Variants in ZNF726 observed in about 807,000 individuals in gnomAD.
The protein encoded by ZNF726 is zinc finger protein 726, also known as zinc finger protein 92 pseudogene 3.
Under a neutral mutation model 11.6 loss-of-function variants are expected in ZNF726, and 15 were observed. The observed-to-expected ratio is 1.29, with a 90% CI of 0.86 to 1.99. The LOEUF (loss-of-function observed/expected upper bound fraction) is 1.99. ZNF726 is among the 30% of genes most tolerant of loss of function. The probability of loss-of-function intolerance (pLI) is 0.00; values close to 1 mark genes in which losing one functional copy is unlikely to be tolerated. For missense variants in ZNF726, 890 were observed against 725.6 expected (o/e 1.23, Z -2.60); for synonymous variants, 295 against 243.6 (o/e 1.21, Z -1.96).
chr19:23,935,416 C>T (rs745974838), downstream of ZNF726: 1 of 522,472 alleles, frequency 1.9e-6, no homozygotes, highest in Non-Finnish European at 3.9e-6. Flanking sequence ...AACCAGTCCT[C>T]ACATCTTACT....
rs546647382 is a variant in ZNF726, at chr19:23,932,208, A to G, written c.227-135A>G. The G allele has an allele frequency of 7.3e-5, 41 of 563,266 alleles. No homozygotes were observed. In the South Asian group the frequency reaches 1.0e-3, roughly 14 times the overall value. The allele number at this position is 563,266 out of a possible 1,614,324, so 34.9% of individuals were successfully genotyped here. A position where few individuals can be genotyped will look rare whatever the true frequency, so the allele number is the denominator to read the frequency against. On this transcript the variant is annotated intron_variant, in intron 3 of 3. Transcript: ENST00000594466. Reference sequence around the variant, plus strand: ...AAGTTTTTGTTACATTTAAATGTCTATGAAAGAATTAGGGTCTGTGGTATT... The same window carrying G: ...AAGTTTTTGTTACATTTAAATGTCTGTGAAAGAATTAGGGTCTGTGGTATT...
downstream of ZNF726, among the ~76,000 whole-genome samples, chr19:23,936,603 A>T (rs1433449663): frequency 2.6e-5 from 4 of 152,076 alleles, no homozygotes; most frequent in Admixed American, 6.5e-5. Context: ...AAGATACATG[A>T]TGAAAATTTA....
rs751869678 is a variant in ZNF726, at chr19:23,934,217, A to G, written c.*250A>G. ...ATAAGATAATTCATACTGGAAATAAACCCTACAAATGTGAAAAATGTGGCA... is the reference window on the plus strand; with the variant it reads ...ATAAGATAATTCATACTGGAAATAAGCCCTACAAATGTGAAAAATGTGGCA... On this transcript the variant is annotated 3_prime_UTR_variant, in exon 4 of 4. Coordinates refer to ENST00000594466, the MANE Select transcript of ZNF726 (RefSeq NM_001244038.2). 6.6e-6 allele frequency: 5 copies of G among 752,176 alleles called. No individual in the cohort carries two copies. The highest frequency in any genetic ancestry group is 4.2e-5 in the South Asian group (3 of 70,894). The allele number at this position is 752,176 out of a possible 1,614,324, so 46.6% of individuals were successfully genotyped here.
intron 3 of ZNF726, 62 bp downstream of exon 3, chr19:23,920,144 A>G (rs1213145573): frequency 8.4e-7 from 1 of 1,190,132 alleles, no homozygotes; most frequent in South Asian, 1.3e-5. Flanking sequence ...GAAGAAAGCC[A>G]GTCTTTAAAG....
Position 23,916,745 on chromosome 19 carries a change from G to GT in ZNF726, c.3+1755dup, listed in dbSNP as rs371264502. ...TCTGACACTATTGTAAAATATCTGT[G>GT]TTTTTTTCTTTTATTTTACCTAGTC... On this transcript the variant is annotated intron_variant, in intron 1 of 3. Coordinates refer to ENST00000594466, the MANE Select transcript of ZNF726 (RefSeq NM_001244038.2). Among the ~76,000 whole-genome samples the GT allele has an allele frequency of 2.6e-5, 4 of 151,200 alleles. No individual in the cohort carries two copies. In the South Asian group the frequency reaches 6.3e-4, roughly 24 times the overall value.
chr19:23,933,704 A>G lies in ZNF726; in HGVS notation c.1588A>G (p.Ile530Val). ...CTCGACCCTATCTAAACATAAGAGG[A>G]TTCACACTGGAGAGAAACCCTACAA... ...LSSTLSKHKRIHTGEKPYKCE... is the reference protein window; with the variant it reads ...LSSTLSKHKRVHTGEKPYKCE... The change falls in exon 4 of 4, where the codon ATT (isoleucine) becomes GTT (valine). Residue 530 changes from isoleucine (I) to valine (V), a missense_variant. Coordinates refer to ENST00000594466, the MANE Select transcript of ZNF726 (RefSeq NM_001244038.2). 6.2e-7 allele frequency: 1 copy of G among 1,612,552 alleles called. No homozygotes were observed. Among genetic ancestry groups the G allele is most frequent in the Non-Finnish European group, 8.5e-7 (1 of 1,179,992 alleles).
In ZNF726 at chr19:23,919,353, T is replaced by C. The variant is rs528545342; in HGVS notation, c.4-20T>C. The stretch of plus-strand genomic sequence containing the variant: ...CCCATAGCCACTTTGTAAATATGTG[T>C]GTTTGTGTGTATTTTCCAGGGACTG... On this transcript the variant is annotated intron_variant, in intron 1 of 3. Coordinates refer to ENST00000594466, the MANE Select transcript of ZNF726 (RefSeq NM_001244038.2). The C allele has an allele frequency of 1.6e-5, 26 of 1,598,468 alleles. No homozygotes were observed. The African/African-American group carries it at 2.1e-4, about 13-fold the overall frequency.
Position 23,933,073 on chromosome 19 carries a change from CAAAGCATTTGTT to C in ZNF726, c.958_969del (p.Lys320_Val323del). 1 of 1,612,154 alleles carries C rather than the reference CAAAGCATTTGTT, an allele frequency of 6.2e-7. No individual in the cohort carries two copies. The highest frequency in any genetic ancestry group is 1.7e-5 in the Admixed American group (1 of 59,916). Reference sequence around the variant, plus strand: ...AACCCTACAAATGTGAAGAATGTGGCAAAGCATTTGTTTGGTCCTCAACCCTAACTAGACATA... The same window carrying C: ...AACCCTACAAATGTGAAGAATGTGGCTGGTCCTCAACCCTAACTAGACATA... On this transcript the variant is annotated inframe_deletion, in exon 4 of 4. Coordinates refer to ENST00000594466, the MANE Select transcript of ZNF726 (RefSeq NM_001244038.2).
At chr19:23,942,524 G>A (rs1968354447) in intron 3 of ZNF726, among the ~76,000 whole-genome samples, 1 of 152,142 alleles carries the variant, frequency 6.6e-6, no homozygotes, top group South Asian at 2.1e-4. Context: ...TTTACTTTCT[G>A]TCTTAATGAT....
rs56014490 is a variant in ZNF726 at position 23,932,567 on chromosome 19, T to C, written c.451T>C (p.Leu151=). 199,976 of 1,576,176 alleles carry C rather than the reference T, an allele frequency of 0.13. 13,567 individuals carry two copies. The highest frequency in any genetic ancestry group is 0.22 in the Middle Eastern group (1,264 of 5,874). ...CAAAGCTTCTCAATGTGGTAAATAT[T>C]TGAAAGTCTTTTATAAATTTATAAA... ...QGKASQCGKY[L]KVFYKFINLN... Residue 151 remains leucine, a synonymous_variant, in exon 4 of 4, where the codon TTG becomes CTG. Coordinates refer to ENST00000594466, the MANE Select transcript of ZNF726 (RefSeq NM_001244038.2).
Position 23,933,461 on chromosome 19 carries a change from A to T in ZNF726, c.1345A>T (p.Arg449Ter). 6.2e-7 allele frequency: 1 copy of T among 1,610,828 alleles called. No individual in the cohort carries two copies. The highest frequency in any genetic ancestry group is 8.5e-7 in the Non-Finnish European group (1 of 1,179,202). Residue 449 changes from arginine (R) to a stop codon, truncating the protein, a stop_gained, in exon 4 of 4, where the codon AGA becomes TGA. Coordinates refer to ENST00000594466, the MANE Select transcript of ZNF726 (RefSeq NM_001244038.2). LOFTEE classifies it low-confidence loss of function (END_TRUNC). ...TACTGAACATAAGAAAATTCATACT[A>T]GAGAGAAACCCTACAAATGTGAAGA... ...NLTEHKKIHT[R>*]EKPYKCEECS...
chr19:23,923,321 T>C (rs1411321886), intron 3 of ZNF726: 1 of 356,898 alleles, frequency 2.8e-6, no homozygotes, highest in Non-Finnish European at 5.3e-6. Context: ...TAAATGCTTA[T>C]CTATTAAAAG....
At position 23,933,722 on chromosome 19, in the gene ZNF726, C is replaced by A; in HGVS notation, c.1606C>A (p.Pro536Thr). 4 of 1,612,426 alleles carry A rather than the reference C, an allele frequency of 2.5e-6. No homozygotes were observed. Among genetic ancestry groups the A allele is most frequent in the Non-Finnish European group, 3.4e-6 (4 of 1,179,968 alleles). ...KHKRIHTGEK[P>T]YKCEECGKTF... ...TAAGAGGATTCACACTGGAGAGAAA[C>A]CCTACAAATGTGAAGAATGTGGCAA... The change falls in exon 4 of 4, where the codon CCC becomes ACC. Residue 536 changes from proline (P) to threonine (T), a missense_variant. By Grantham distance (38) the Pro-to-Thr change is conservative (BLOSUM62 -1). Transcript: ENST00000594466.
At chr19:23,942,464 C>G (rs1325041812) in intron 3 of ZNF726, among the ~76,000 whole-genome samples, 1 of 152,022 alleles carries the variant, frequency 6.6e-6, no homozygotes, top group African/African-American at 2.4e-5. Flanking sequence ...TTTGTATATA[C>G]CTGTTAAGTT....
At chr19:23,916,915 C>T (rs1313544249) in intron 1 of ZNF726, among the ~76,000 whole-genome samples, 3 of 152,000 alleles carry the variant, frequency 2.0e-5, no homozygotes, top group Non-Finnish European at 4.4e-5. Flanking sequence ...ATATCTGTAC[C>T]TTGAAAGGAT....
intron 1 of ZNF726, among the ~76,000 whole-genome samples, chr19:23,915,934 G>A (rs1244076723): frequency 6.6e-6 from 1 of 152,166 alleles, no homozygotes; most frequent in Non-Finnish European, 1.5e-5. Flanking sequence ...TGTAATCAGA[G>A]CTTAATTGGC....
At chr19:23,939,327 C>T (rs1599475985), downstream of ZNF726, among the ~76,000 whole-genome samples, 2 of 152,168 alleles carry the variant, frequency 1.3e-5, no homozygotes, top group African/African-American at 4.8e-5. Context: ...AGTATTCCAA[C>T]ATATATGTAT....
At chr19:23,915,214 T>C (rs1027252918) in intron 1 of ZNF726, among the ~76,000 whole-genome samples, 9 of 152,126 alleles carry the variant, frequency 5.9e-5, no homozygotes, top group African/African-American at 2.2e-4. Context: ...GCAGTGACTG[T>C]GCCCTGGCCT....
At chr19:23,927,759 G>A (rs1194106118) in intron 3 of ZNF726, 1 of 152,170 alleles carries the variant, frequency 6.6e-6, no homozygotes, top group African/African-American at 2.4e-5. Context: ...TGGGATTATA[G>A]GCATGAGCTA....
Sources: allele counts gnomAD v4.1 joint callset (sites outside exome capture counted in the v4.1 genomes callset), GRCh38; gene constraint gnomAD v4.1.1; transcripts MANE v1.5; gene names NCBI Gene and HGNC (gene_info 2026-07-23, HGNC 2026-07-21).